The following ANO2 variants were observed in gnomAD, a reference collection of about 807,000 sequenced individuals.
The protein encoded by ANO2 is anoctamin-2.
In ANO2, 101 loss-of-function variants were observed where a neutral mutation model predicts 124.2. The observed-to-expected ratio is 0.81, with a 90% CI of 0.69 to 0.96. The LOEUF (loss-of-function observed/expected upper bound fraction) is 0.96, where lower values mean the gene tolerates loss of function less well. Ranked by LOEUF, ANO2 falls within the 40% of genes least tolerant of loss-of-function variation. The pLI, the probability that ANO2 is intolerant of heterozygous loss-of-function variation, is 0.00. For synonymous variants in ANO2, 486 were observed against 482.5 expected (o/e 1.01, Z -0.09); for missense variants, 1,293 against 1,274.5 (o/e 1.01, Z -0.22).
chr12:5,695,786 A>G (rs1949147591), intron 14 of ANO2, among the ~76,000 whole-genome samples: 1 of 151,592 alleles, frequency 6.6e-6, no homozygotes. Flanking sequence ...GGTTTTGTTG[A>G]GCCGAGATCT....
chr12:5,703,363 G>C (rs1409359062), intron 14 of ANO2, among the ~76,000 whole-genome samples: 1 of 152,148 alleles, frequency 6.6e-6, no homozygotes, highest in Non-Finnish European at 1.5e-5. Context: ...ACAACGTTAA[G>C]AGCAGTGGTA....
At chr12:5,582,158 C>T (rs1188713999) in intron 20 of ANO2, among the ~76,000 whole-genome samples, 3 of 152,202 alleles carry the variant, frequency 2.0e-5, no homozygotes, top group Non-Finnish European at 2.9e-5. Context: ...ATCCTCCGTG[C>T]GCTGCATAAT....
Position 5,635,440 on chromosome 12 carries a change from A to T in ANO2, c.1621-93T>A. 1 of 990,528 alleles carries T rather than the reference A, an allele frequency of 1.0e-6. No individual in the cohort carries two copies. Among genetic ancestry groups the T allele is most frequent in the Non-Finnish European group, 1.4e-6 (1 of 733,228 alleles). The allele number at this position is 990,528 out of a possible 1,614,324, so 61.4% of individuals were successfully genotyped here. On this transcript the variant is annotated intron_variant, in intron 15 of 24. Transcript: ENST00000682330. This position sits in a 1 kb window ranked among gnomAD's most constrained non-coding sequence, Gnocchi z 5.2. ...CAACAGTACCATTTGCTGTTATCAG[A>T]TATTATTAATCTGGAATCTTTTGTT...
intron 5 of ANO2, among the ~76,000 whole-genome samples, chr12:5,830,760 A>C (rs557746573): frequency 1.1e-4 from 17 of 152,356 alleles, no homozygotes; most frequent in African/African-American, 3.4e-4. Flanking sequence ...GATTATAGCA[A>C]TAAGATGCAA....
chr12:5,720,166 G>A (rs1239924090), intron 14 of ANO2, among the ~76,000 whole-genome samples: 1 of 152,142 alleles, frequency 6.6e-6, no homozygotes, highest in African/African-American at 2.4e-5. Context: ...TGGAGAAGGA[G>A]GTTTTTGCAA....
intron 3 of ANO2, among the ~76,000 whole-genome samples, chr12:5,880,297 G>T (rs1225437992): frequency 6.6e-6 from 1 of 152,106 alleles, no homozygotes; most frequent in Non-Finnish European, 1.5e-5. Flanking sequence ...TAAGAGCCTG[G>T]GGAACGCAGG....
chr12:5,637,730 C>T (rs1342848347), intron 15 of ANO2, among the ~76,000 whole-genome samples: 1 of 152,168 alleles, frequency 6.6e-6, no homozygotes, highest in East Asian at 1.9e-4. Context: ...CTCCCTAGCC[C>T]CACCCCTGGC....
chr12:5,653,705 T>C, intron 14 of ANO2, among the ~76,000 whole-genome samples: 1 of 152,166 alleles, frequency 6.6e-6, no homozygotes, highest in African/African-American at 2.4e-5. Context: ...TTCTTGGCCC[T>C]AGGTAGTAGC....
intron 15 of ANO2, among the ~76,000 whole-genome samples, chr12:5,640,697 A>G (rs1246601683): frequency 3.3e-5 from 5 of 152,326 alleles, no homozygotes; most frequent in Admixed American, 6.5e-5. Flanking sequence ...ACCAGTTAGA[A>G]TGGCAATCAT....
chr12:5,789,601 C>T (rs1243328521), intron 10 of ANO2, among the ~76,000 whole-genome samples: 1 of 152,160 alleles, frequency 6.6e-6, no homozygotes, highest in Non-Finnish European at 1.5e-5. Context: ...TGGCAGCCAC[C>T]CAACTGTCAA....
chr12:5,693,548 C>T (rs753323009), intron 14 of ANO2, among the ~76,000 whole-genome samples: 4 of 152,148 alleles, frequency 2.6e-5, no homozygotes, highest in Non-Finnish European at 4.4e-5. Context: ...CCAGAGTGAG[C>T]ATTCAGAAAT....
At chr12:5,674,570 C>T (rs1299331113) in intron 14 of ANO2, among the ~76,000 whole-genome samples, 7 of 152,166 alleles carry the variant, frequency 4.6e-5, no homozygotes, top group African/African-American at 1.4e-4. Flanking sequence ...TATCGGCTGT[C>T]GTGGCCACCT....
intron 14 of ANO2, among the ~76,000 whole-genome samples, chr12:5,693,377 T>C (rs1209855258): frequency 6.6e-6 from 1 of 152,184 alleles, no homozygotes; most frequent in Non-Finnish European, 1.5e-5. Context: ...AAATATTGAA[T>C]GATTTGCCTT....
intron 14 of ANO2, among the ~76,000 whole-genome samples, chr12:5,691,962 A>T (rs1318310670): frequency 6.6e-6 from 1 of 152,008 alleles, no homozygotes; most frequent in African/African-American, 2.4e-5. Context: ...GGAAGGGAAG[A>T]AAGATGGCAG....
At chr12:5,644,158 A>G (rs1946520635) in intron 15 of ANO2, among the ~76,000 whole-genome samples, 1 of 152,188 alleles carries the variant, frequency 6.6e-6, no homozygotes. Flanking sequence ...TTTGCCTTTC[A>G]CAGTCCCTCT....
intron 11 of ANO2, among the ~76,000 whole-genome samples, chr12:5,746,647 C>T (rs907745319): frequency 2.0e-5 from 3 of 152,180 alleles, no homozygotes; most frequent in Non-Finnish European, 4.4e-5. Flanking sequence ...GCTTGATAAA[C>T]GGCTTGACAG....
At chr12:5,610,501 T>C (rs1021952304) in intron 19 of ANO2, among the ~76,000 whole-genome samples, 1 of 140,340 alleles carries the variant, frequency 7.1e-6, no homozygotes. Context: ...TTCATATAGA[T>C]ATAAATTTAT....
intron 10 of ANO2, among the ~76,000 whole-genome samples, chr12:5,773,235 CA>C (rs1302366647): frequency 6.6e-6 from 1 of 152,234 alleles, no homozygotes; most frequent in Admixed American, 6.5e-5. Flanking sequence ...GTTGCTTCCC[CA>C]TTTTTTGTTG....
At chr12:5,597,900 G>A (rs1382098434) in intron 20 of ANO2, among the ~76,000 whole-genome samples, 1 of 152,200 alleles carries the variant, frequency 6.6e-6, no homozygotes, top group Non-Finnish European at 1.5e-5. Flanking sequence ...GCATAAAGGG[G>A]CTACACGTTT....
Sources: gnomAD v4.1 joint callset for allele counts (sites outside exome capture counted in the v4.1 genomes callset) on GRCh38, gnomAD v4.1.1 for gene constraint, Gnocchi (gnomAD v3.1) non-coding constraint, MANE v1.5 for transcripts, NCBI Gene and HGNC (gene_info 2026-07-23, HGNC 2026-07-21) for gene names.